Variants in N4BP2 observed in about 807,000 individuals in gnomAD.
N4BP2 encodes the protein NEDD4-binding protein 2.
Under a neutral mutation model 152.8 loss-of-function variants are expected in N4BP2, and 91 were observed. The ratio of observed to expected loss-of-function variants is 0.60; its 90% CI spans 0.50 to 0.71. The LOEUF (loss-of-function observed/expected upper bound fraction) is 0.71, where lower values mean the gene tolerates loss of function less well. N4BP2 is among the 30% of genes least tolerant of loss of function. The pLI, the probability that N4BP2 is intolerant of heterozygous loss-of-function variation, is 0.00. For missense variants in N4BP2, 1,923 were observed against 2,059.1 expected (o/e 0.93, Z 1.28); for synonymous variants, 646 against 705.3 (o/e 0.92, Z 1.33).
chr4:40,146,938 A>G (rs1284082378), intron 16 of N4BP2, among the ~76,000 whole-genome samples: 1 of 101,372 alleles, frequency 9.9e-6, no homozygotes, highest in Non-Finnish European at 2.0e-5. Context: ...TTTATTGATC[A>G]TTCTTGGGTG....
intron 1 of N4BP2, among the ~76,000 whole-genome samples, chr4:40,061,066 T>G (rs1733620048): frequency 6.6e-6 from 1 of 152,078 alleles, no homozygotes; most frequent in Admixed American, 6.6e-5. Context: ...CCTCCCACCT[T>G]GGCCTCCTAA....
At position 40,102,901 on chromosome 4, in the gene N4BP2, G is replaced by C; in HGVS notation, c.1056G>C (p.Leu352Phe). Residue 352 changes from leucine to phenylalanine, a missense_variant, in exon 4 of 18, where the codon TTG (leucine) becomes TTC (phenylalanine). By Grantham distance (22) the Leu-to-Phe change is conservative. Coordinates refer to ENST00000261435, the MANE Select transcript of N4BP2 (RefSeq NM_018177.6). Reference sequence around the variant, plus strand: ...GCCCGGTACTTGCTCCTCTCCCATTGCTGTTGCCTCCTCCGCCACCTCCAC... The same window carrying C: ...GCCCGGTACTTGCTCCTCTCCCATTCCTGTTGCCTCCTCCGCCACCTCCAC... Reference protein sequence around the residue: ...SYCPVLAPLPLLLPPPPPPPM... With the variant: ...SYCPVLAPLPFLLPPPPPPPM... 1.9e-6 allele frequency: 3 copies of C among 1,614,154 alleles called. No individual in the cohort carries two copies. The highest frequency in any genetic ancestry group is 2.5e-6 in the Non-Finnish European group (3 of 1,180,036).
Position 40,122,135 on chromosome 4 carries a change from C to T in N4BP2, c.4024C>T (p.Leu1342=). ...NEDEKEMKEI[L]MAGSSLSAGV... ...AGATGAGAAGGAAATGAAGGAAATT[C>T]TAATGGCAGGAAGTAGTTTATCAGC... is the stretch of plus-strand genomic sequence containing the variant. Residue 1342 remains leucine, a synonymous_variant, in exon 9 of 18, where the codon CTA becomes TTA. Transcript: ENST00000261435. 6.2e-7 allele frequency: 1 copy of T among 1,606,934 alleles called. No individual in the cohort carries two copies.
the N4BP2 span, among the ~76,000 whole-genome samples, chr4:40,185,655 G>A: frequency 2.0e-5 from 3 of 152,044 alleles, no homozygotes; most frequent in Admixed American, 6.5e-5. Flanking sequence ...AAAGGTTTAT[G>A]TGGTTTTTAA....
chr4:40,165,459 G>A, the N4BP2 span, among the ~76,000 whole-genome samples: 2 of 152,248 alleles, frequency 1.3e-5, no homozygotes, highest in African/African-American at 4.8e-5. Flanking sequence ...ATGTTGGCCA[G>A]GCTGGTCTTG....
At chr4:40,059,110 A>G (rs1449953082) in intron 1 of N4BP2, among the ~76,000 whole-genome samples, 1 of 151,630 alleles carries the variant, frequency 6.6e-6, no homozygotes, top group Non-Finnish European at 1.5e-5. Context: ...AGTGACCACC[A>G]CGCCCGCCCG....
chr4:40,165,662 C>CGT, the N4BP2 span, among the ~76,000 whole-genome samples: 243 of 152,006 alleles, frequency 1.6e-3, no homozygotes, highest in African/African-American at 5.4e-3. Context: ...TCTCTATGTA[C>CGT]GTGTGTGTGT....
the N4BP2 span, among the ~76,000 whole-genome samples, chr4:40,168,679 A>G: frequency 5.9e-5 from 9 of 152,080 alleles, no homozygotes; most frequent in Non-Finnish European, 1.2e-4. Context: ...TAATAAATAT[A>G]TATAGAATTA....
In N4BP2 at chr4:40,136,974, T is replaced by A. The variant is rs1719463651; in HGVS notation, c.4677T>A (p.Leu1559=). 6.2e-7 allele frequency: 1 copy of A among 1,612,748 alleles called. No individual in the cohort carries two copies. Among genetic ancestry groups the A allele is most frequent in the Non-Finnish European group, 8.5e-7 (1 of 1,179,092 alleles). The change falls in exon 14 of 18, where the codon CTT becomes CTA. Residue 1559 remains leucine (L), a synonymous_variant. Transcript: ENST00000261435. ...CATTAGAACACACAGTGCAATTTCT[T>A]AACTGTGTTCTTGAAGGGGACCCTG... ...NYSLEHTVQF[L]NCVLEGDPVK...
chr4:40,121,636 T>G lies in N4BP2; in HGVS notation c.3525T>G (p.Pro1175=), dbSNP rs772694103. 8 of 1,614,084 alleles carry G rather than the reference T, an allele frequency of 5.0e-6. No individual in the cohort carries two copies. The African/African-American group carries it at 1.1e-4, about 22-fold the overall frequency. Residue 1175 remains proline, a synonymous_variant, in exon 9 of 18, where the codon CCT becomes CCG. Coordinates refer to ENST00000261435, the MANE Select transcript of N4BP2 (RefSeq NM_018177.6). ...GAACTTTAGAGAATTCTAATTCTCC[T>G]GTGCCAGAGTTTAGCCATGGGATTG... ...QRGTLENSNS[P]VPEFSHGIGI...
At chr4:40,111,630 T>G (rs1205573006) in intron 5 of N4BP2, among the ~76,000 whole-genome samples, 2 of 150,338 alleles carry the variant, frequency 1.3e-5, no homozygotes, top group African/African-American at 4.9e-5. Flanking sequence ...TGTTTTGTAT[T>G]TTTTAGGCAG....
chr4:40,078,351 A>G (rs1021959324), intron 2 of N4BP2, among the ~76,000 whole-genome samples: 2 of 151,760 alleles, frequency 1.3e-5, no homozygotes, highest in Admixed American at 6.6e-5. Flanking sequence ...TTGGCCAGGC[A>G]GGTCTTGAAC....
intron 2 of N4BP2, among the ~76,000 whole-genome samples, chr4:40,088,520 A>G (rs575929200): frequency 2.0e-4 from 26 of 133,042 alleles, no homozygotes; most frequent in Non-Finnish European, 2.8e-4. Flanking sequence ...TTTTTTTTGC[A>G]ATGGGGTTTC....
At chr4:40,160,807 G>A (rs1425546840), downstream of N4BP2, among the ~76,000 whole-genome samples, 1 of 152,172 alleles carries the variant, frequency 6.6e-6, no homozygotes, top group African/African-American at 2.4e-5. Flanking sequence ...GAGAATATTA[G>A]AGGCACTTTT....
downstream of N4BP2, among the ~76,000 whole-genome samples, chr4:40,159,857 A>G (rs1397143230): frequency 6.6e-6 from 1 of 152,146 alleles, no homozygotes; most frequent in East Asian, 1.9e-4. Flanking sequence ...TAGGAATCAA[A>G]AAAAGGAAAT....
intron 3 of N4BP2, among the ~76,000 whole-genome samples, chr4:40,099,181 C>T (rs1715382874): frequency 6.6e-6 from 1 of 152,166 alleles, no homozygotes; most frequent in Non-Finnish European, 1.5e-5. Flanking sequence ...TGTAATTCCA[C>T]CAGGCTTGCA....
At position 40,156,849 on chromosome 4, in the gene N4BP2, TAAATATAATGCACATGTTCTA is replaced by T. The variant is rs970659294; in HGVS notation, c.*2619_*2639del. ...TTGTAGGTTAGCGATACTCAACAAGTAAATATAATGCACATGTTCTAAAATATCCCCCCAAACCCCAGCAAT... is the reference window on the plus strand; with the variant it reads ...TTGTAGGTTAGCGATACTCAACAAGTAAATATCCCCCCAAACCCCAGCAAT... On this transcript the variant is annotated 3_prime_UTR_variant, in exon 18 of 18. Coordinates refer to ENST00000261435, the MANE Select transcript of N4BP2 (RefSeq NM_018177.6). 6.6e-6 allele frequency: 1 copy of T among 152,154 alleles called. No homozygotes were observed. Among genetic ancestry groups the T allele is most frequent in the African/African-American group, 2.4e-5 (1 of 41,460 alleles). The allele number at this position is 152,154 out of a possible 1,614,324, so 9.4% of individuals were successfully genotyped here.
Position 40,077,143 on chromosome 4 carries a change from ATG to A in N4BP2, c.-115+3610_-115+3611del, listed in dbSNP as rs555295024. 6.6e-5 allele frequency among the ~76,000 whole-genome samples: 10 copies of A among 150,880 alleles called. No individual in the cohort carries two copies. The East Asian group carries it at 7.8e-4, about 12-fold the overall frequency. On this transcript the variant is annotated intron_variant, in intron 2 of 17. Transcript: ENST00000261435. ...ATATTGAATATTATGTAGAATATAT[ATG>A]TGTGTGTGTGTGTGTGTATTTTTGT...
chr4:40,159,844 T>C (rs1721807605), downstream of N4BP2, among the ~76,000 whole-genome samples: 1 of 151,960 alleles, frequency 6.6e-6, no homozygotes. Flanking sequence ...GACTTCTGAG[T>C]GTTAGGAATC....
Sources: gnomAD v4.1 joint callset for allele counts (sites outside exome capture counted in the v4.1 genomes callset) on GRCh38, gnomAD v4.1.1 for gene constraint, MANE v1.5 for transcripts, NCBI Gene and HGNC (gene_info 2026-07-23, HGNC 2026-07-21) for gene names.